The following FRMD6 variants were observed in gnomAD, a reference collection of about 807,000 sequenced individuals.
FRMD6 encodes the protein FERM domain containing 6.
In FRMD6, 37 loss-of-function variants were observed where a neutral mutation model predicts 73.2. That is an observed-to-expected ratio of 0.51 (90% confidence interval 0.39 to 0.66). The LOEUF is 0.66. Ranked by LOEUF, FRMD6 falls within the 30% of genes least tolerant of loss-of-function variation. The probability of loss-of-function intolerance (pLI) is 0.00; values close to 1 mark genes in which losing one functional copy is unlikely to be tolerated. For missense variants in FRMD6, 714 were observed against 780.5 expected, an observed-to-expected ratio of 0.91 and a Z score of 1.02; for synonymous variants, 273 against 282.2, an observed-to-expected ratio of 0.97 and a Z score of 0.33.
chr14:51,680,298 G>A (rs1014750781), intron 1 of FRMD6, among the ~76,000 whole-genome samples: 2 of 152,122 alleles, frequency 1.3e-5, no homozygotes, highest in Admixed American at 6.6e-5. Flanking sequence ...CCCCATACAT[G>A]CTGTTAACCT....
intron 13 of FRMD6, among the ~76,000 whole-genome samples, chr14:51,726,139 A>G (rs1046198240): frequency 1.3e-5 from 2 of 152,192 alleles, no homozygotes; most frequent in African/African-American, 4.8e-5. Flanking sequence ...GCTTCAGGCG[A>G]ACCACGTGTG....
chr14:51,400,363 A>G, the FRMD6 span, among the ~76,000 whole-genome samples: 2 of 152,146 alleles, frequency 1.3e-5, no homozygotes. Flanking sequence ...TCATATGGTA[A>G]CTGTTTCTCC....
intron 1 of FRMD6, among the ~76,000 whole-genome samples, chr14:51,671,426 G>A (rs1566550631): frequency 6.6e-6 from 1 of 151,868 alleles, no homozygotes; most frequent in Non-Finnish European, 1.5e-5. Flanking sequence ...ATAACTGAGG[G>A]GTCTTCAGAA....
Position 51,720,240 on chromosome 14 carries a change from C to A in FRMD6, c.1210C>A (p.Arg404=), listed in dbSNP as rs543227572. 3.5e-5 allele frequency: 57 copies of A among 1,613,956 alleles called. No homozygotes were observed. In the East Asian group the frequency reaches 1.3e-3, roughly 36 times the overall value. ...TSGIEADTKP[R]DTGPEDSYSS... Reference sequence around the variant, plus strand: ...GGGCATTGAGGCAGACACCAAGCCCCGGGACACGGGGCCAGAAGACAGCTA... The same window carrying A: ...GGGCATTGAGGCAGACACCAAGCCCAGGGACACGGGGCCAGAAGACAGCTA... Residue 404 remains arginine (R), a synonymous_variant, in exon 11 of 14, where the codon CGG becomes AGG. Coordinates refer to ENST00000344768, the MANE Select transcript of FRMD6 (RefSeq NM_001267046.2).
At chr14:51,472,919 C>T in the FRMD6 span, among the ~76,000 whole-genome samples, 1 of 152,184 alleles carries the variant, frequency 6.6e-6, no homozygotes, top group South Asian at 2.1e-4. Context: ...TGTATCCTTC[C>T]TTAGGAGAAT....
chr14:51,649,018 T>C (rs1025234431), upstream of FRMD6, among the ~76,000 whole-genome samples: 13 of 152,220 alleles, frequency 8.5e-5, no homozygotes, highest in African/African-American at 3.1e-4. Context: ...TAACTTTGAA[T>C]TATTACCCAC....
chr14:51,508,059 A>G (rs1884076540), intron 1 of FRMD6, among the ~76,000 whole-genome samples: 1 of 152,078 alleles, frequency 6.6e-6, no homozygotes, highest in Non-Finnish European at 1.5e-5. Flanking sequence ...GCTCCATCGC[A>G]GACCCTGCAG....
chr14:51,598,997 T>C (rs971900858), intron 2 of FRMD6, among the ~76,000 whole-genome samples: 1 of 151,386 alleles, frequency 6.6e-6, no homozygotes, highest in East Asian at 1.9e-4. Flanking sequence ...CTGGACTAAT[T>C]TACATTCCCA....
chr14:51,691,588 A>ATTTTTTTTTTTTTTTTTTTTTTTTT (rs758677611), intron 2 of FRMD6, among the ~76,000 whole-genome samples: 8 of 75,148 alleles, frequency 1.1e-4, no homozygotes, highest in Middle Eastern at 8.6e-3. Flanking sequence ...TTTGATTTTG[A>ATTTTTTTTTTTTTTTTTTTTTTTTT]TTTTTTTTTT....
chr14:51,459,354 C>A, the FRMD6 span, among the ~76,000 whole-genome samples: 52,548 of 151,988 alleles, frequency 0.35, 9,573 homozygotes, highest in Non-Finnish European at 0.41. Context: ...TAGGCCCTCC[C>A]TCACTAACTT....
At chr14:51,476,106 T>A in the FRMD6 span, among the ~76,000 whole-genome samples, 1 of 152,162 alleles carries the variant, frequency 6.6e-6, no homozygotes, top group Admixed American at 6.5e-5. Context: ...AAATCCAGAG[T>A]CATGCCTTCC....
chr14:51,587,470 T>C (rs1889118839), intron 2 of FRMD6, among the ~76,000 whole-genome samples: 1 of 152,238 alleles, frequency 6.6e-6, no homozygotes, highest in South Asian at 2.1e-4. Context: ...TGACCAACCC[T>C]AAATATTAGT....
chr14:51,510,132 T>C (rs1596516269), intron 1 of FRMD6, among the ~76,000 whole-genome samples: 1 of 152,236 alleles, frequency 6.6e-6, no homozygotes, highest in East Asian at 1.9e-4. Context: ...AGGGAGGCAG[T>C]TGTGGCATGT....
chr14:51,404,351 A>G, the FRMD6 span, among the ~76,000 whole-genome samples: 2 of 152,062 alleles, frequency 1.3e-5, no homozygotes, highest in Non-Finnish European at 2.9e-5. Context: ...TCTTTTTACT[A>G]TATTTATGAT....
intron 2 of FRMD6, among the ~76,000 whole-genome samples, chr14:51,638,686 C>T (rs998739626): frequency 6.6e-6 from 1 of 152,138 alleles, no homozygotes. Context: ...AGCTGAGTTG[C>T]AGATGGAATG....
the FRMD6 span, among the ~76,000 whole-genome samples, chr14:51,434,043 A>G: frequency 6.6e-6 from 1 of 152,218 alleles, no homozygotes; most frequent in South Asian, 2.1e-4. Flanking sequence ...ATAAATAAAA[A>G]CATTGTGAAT....
chr14:51,444,441 G>T, the FRMD6 span, among the ~76,000 whole-genome samples: 1 of 152,168 alleles, frequency 6.6e-6, no homozygotes. Flanking sequence ...TGAAACTGGG[G>T]TTACACTGCC....
At chr14:51,503,361 G>T (rs1206099726) in intron 1 of FRMD6, among the ~76,000 whole-genome samples, 1 of 151,942 alleles carries the variant, frequency 6.6e-6, no homozygotes, top group Non-Finnish European at 1.5e-5. Context: ...ATTATTTTGA[G>T]GTATGTTCCT....
chr14:51,693,510 G>A (rs1220731961), intron 2 of FRMD6, among the ~76,000 whole-genome samples: 3 of 152,076 alleles, frequency 2.0e-5, no homozygotes, highest in Non-Finnish European at 2.9e-5. Flanking sequence ...TAGTTGTTTT[G>A]TTTTGTTGCT....
Sources: gnomAD v4.1 joint callset for allele counts (sites outside exome capture counted in the v4.1 genomes callset) on GRCh38, gnomAD v4.1.1 for gene constraint, MANE v1.5 for transcripts, NCBI Gene and HGNC (gene_info 2026-07-23, HGNC 2026-07-21) for gene names.